Variants in GLS observed in about 807,000 individuals in gnomAD.
GLS encodes the protein glutaminase.
Under a neutral mutation model 86.7 loss-of-function variants are expected in GLS, and 36 were observed. The ratio of observed to expected loss-of-function variants is 0.42; its 90% CI spans 0.32 to 0.55. GLS has a LOEUF of 0.55. Among genes scored for constraint, GLS ranks in the 20% least tolerant of loss-of-function variants. The probability of loss-of-function intolerance (pLI) is 0.17; values close to 1 mark genes in which losing one functional copy is unlikely to be tolerated. For synonymous variants in GLS, 317 were observed against 305.9 expected, an observed-to-expected ratio of 1.04 and a Z score of -0.38; for missense variants, 528 against 833.4, an observed-to-expected ratio of 0.63 and a Z score of 4.51.
At chr2:190,958,136 A>C (rs935405929) in intron 17 of GLS, among the ~76,000 whole-genome samples, 2 of 152,208 alleles carry the variant, frequency 1.3e-5, no homozygotes, top group African/African-American at 4.8e-5. Context: ...CTATTCAGGG[A>C]TTTGACTTCT....
In GLS at chr2:190,914,926, C is replaced by T. The variant is rs1290610707; in HGVS notation, c.1038+4605C>T. ...TTTTTTAATAGATAATGTTAAAACTCAGTGCCTCTATCAAATTTTCATTCA... is the reference window on the plus strand; with the variant it reads ...TTTTTTAATAGATAATGTTAAAACTTAGTGCCTCTATCAAATTTTCATTCA... On this transcript the variant is annotated intron_variant, in intron 7 of 17. Coordinates refer to ENST00000320717, the MANE Select transcript of GLS (RefSeq NM_014905.5). This position sits in a 1 kb window ranked among gnomAD's most constrained non-coding sequence, Gnocchi z 4.4. Among the ~76,000 whole-genome samples the T allele has an allele frequency of 1.3e-5, 2 of 152,126 alleles. No homozygotes were observed. Among genetic ancestry groups the T allele is most frequent in the Admixed American group, 6.5e-5 (1 of 15,268 alleles).
At chr2:190,942,481 C>T (rs569743634) in intron 14 of GLS, among the ~76,000 whole-genome samples, 2 of 152,166 alleles carry the variant, frequency 1.3e-5, no homozygotes, top group African/African-American at 2.4e-5. Flanking sequence ...GTTTTGGACT[C>T]GAGATGTGTT....
intron 5 of GLS, among the ~76,000 whole-genome samples, chr2:190,902,879 A>G (rs944325127): frequency 1.3e-5 from 2 of 152,288 alleles, no homozygotes; most frequent in Non-Finnish European, 2.9e-5. Flanking sequence ...TTTTATCAAA[A>G]TAGAACTTAC....
chr2:190,902,332 A>C (rs911563447), intron 5 of GLS, among the ~76,000 whole-genome samples: 1 of 152,156 alleles, frequency 6.6e-6, no homozygotes, highest in African/African-American at 2.4e-5. Flanking sequence ...ACTATTCTCT[A>C]ATGAACTGAC....
Position 190,905,341 on chromosome 2 carries a change from C to G in GLS, c.979+174C>G. On this transcript the variant is annotated intron_variant, in intron 6 of 17. Coordinates refer to ENST00000320717, the MANE Select transcript of GLS (RefSeq NM_014905.5). This position sits in a 1 kb window ranked among gnomAD's most constrained non-coding sequence, Gnocchi z 4.6. ...TTAAAAATGATTATTTTAGGCATCTCATACCACTGGGAAGTGGGCTAGGGA... is the reference window on the plus strand; with the variant it reads ...TTAAAAATGATTATTTTAGGCATCTGATACCACTGGGAAGTGGGCTAGGGA... 1.9e-6 allele frequency: 1 copy of G among 539,438 alleles called. No homozygotes were observed. The highest frequency in any genetic ancestry group is 3.3e-6 in the Non-Finnish European group (1 of 305,356). 33.4% of individuals were successfully genotyped at this position (539,438 alleles called of 1,614,324 possible). A position where few individuals can be genotyped will look rare whatever the true frequency, so the allele number is the denominator to read the frequency against.
intron 3 of GLS, among the ~76,000 whole-genome samples, chr2:190,896,861 G>C (rs1318660651): frequency 2.0e-5 from 3 of 152,086 alleles, no homozygotes; most frequent in Non-Finnish European, 2.9e-5. Flanking sequence ...TTTGCGGTAA[G>C]GATTATTTTT....
At chr2:190,934,035 T>C in intron 14 of GLS, 2 of 973,154 alleles carry the variant, frequency 2.1e-6, no homozygotes, top group Non-Finnish European at 2.4e-6. Context: ...GGCAAAGTGA[T>C]TGTAAAATTC....
chr2:190,906,480 A>G (rs1447203496), intron 6 of GLS, among the ~76,000 whole-genome samples: 1 of 152,228 alleles, frequency 6.6e-6, no homozygotes, highest in South Asian at 2.1e-4. Flanking sequence ...GGAATCATGA[A>G]TTATTGATAC....
intron 6 of GLS, among the ~76,000 whole-genome samples, chr2:190,907,814 C>T (rs1352044273): frequency 6.6e-6 from 1 of 152,142 alleles, no homozygotes; most frequent in East Asian, 1.9e-4. Flanking sequence ...TTTCTGACTA[C>T]AGGATACAGA....
chr2:190,914,708 TTATGAA>T lies in GLS; in HGVS notation c.1038+4389_1038+4394del, dbSNP rs1421390817. On this transcript the variant is annotated intron_variant, in intron 7 of 17. Transcript: ENST00000320717. The surrounding 1 kb of genome is among the most constrained non-coding windows in gnomAD (Gnocchi z 4.4). ...TTTAATTGGCTTGCACCTCCATACT[TTATGAA>T]TGGAATCAAGTGCGATACTTACAAA... Among the ~76,000 whole-genome samples, 3 of 152,168 alleles carry T rather than the reference TTATGAA, an allele frequency of 2.0e-5. No individual in the cohort carries two copies. Among genetic ancestry groups the T allele is most frequent in the African/African-American group, 7.2e-5 (3 of 41,436 alleles).
intron 6 of GLS, among the ~76,000 whole-genome samples, chr2:190,909,306 A>G (rs1205583394): frequency 1.3e-5 from 2 of 152,342 alleles, no homozygotes; most frequent in East Asian, 1.9e-4. Context: ...ATTACTTCAT[A>G]TATTTATTTG....
chr2:190,948,948 C>T (rs1221922691), intron 14 of GLS, among the ~76,000 whole-genome samples: 1 of 152,012 alleles, frequency 6.6e-6, no homozygotes, highest in African/African-American at 2.4e-5. Flanking sequence ...TGTCACAGGG[C>T]ACTGTGTGGG....
Position 190,895,015 on chromosome 2 carries a change from C to G in GLS, c.387-137C>G. 2.1e-6 allele frequency: 1 copy of G among 465,842 alleles called. No homozygotes were observed. The highest frequency in any genetic ancestry group is 4.0e-6 in the Non-Finnish European group (1 of 251,370). 28.9% of individuals were successfully genotyped at this position (465,842 alleles called of 1,614,324 possible). A position where few individuals can be genotyped will look rare whatever the true frequency, so the allele number is the denominator to read the frequency against. On this transcript the variant is annotated intron_variant, in intron 1 of 17. Transcript: ENST00000320717. The surrounding 1 kb of genome is among the most constrained non-coding windows in gnomAD (Gnocchi z 4.2). Reference sequence around the variant, plus strand: ...TACTGATTTGATTTTGGTAAATCAACATTTATTATGACTGTAGTCTTGAGT... The same window carrying G: ...TACTGATTTGATTTTGGTAAATCAAGATTTATTATGACTGTAGTCTTGAGT...
chr2:190,896,805 G>A (rs1291890980), intron 3 of GLS, among the ~76,000 whole-genome samples: 2 of 152,156 alleles, frequency 1.3e-5, no homozygotes, highest in Non-Finnish European at 2.9e-5. Context: ...TCCAGAACCT[G>A]CTTTTTAAGA....
At chr2:190,948,278 G>A (rs1010496756) in intron 14 of GLS, among the ~76,000 whole-genome samples, 1 of 152,144 alleles carries the variant, frequency 6.6e-6, no homozygotes, top group African/African-American at 2.4e-5. Context: ...TTGTTAAGGC[G>A]AGCTAGTGTT....
At chr2:190,948,844 G>A (rs1690644139) in intron 14 of GLS, among the ~76,000 whole-genome samples, 1 of 152,152 alleles carries the variant, frequency 6.6e-6, no homozygotes, top group African/African-American at 2.4e-5. Context: ...AATGATTTCA[G>A]GAGAATAGTA....
intron 17 of GLS, among the ~76,000 whole-genome samples, chr2:190,957,917 C>T (rs1345834220): frequency 6.6e-6 from 1 of 152,106 alleles, no homozygotes; most frequent in Non-Finnish European, 1.5e-5. Flanking sequence ...TGATGCTGGC[C>T]TCATAAAATG....
intron 14 of GLS, among the ~76,000 whole-genome samples, chr2:190,952,306 ATAG>A (rs1226092551): frequency 1.3e-5 from 2 of 152,152 alleles, no homozygotes; most frequent in Non-Finnish European, 2.9e-5. Flanking sequence ...ACAAATAGTA[ATAG>A]TAGTATTTTG....
chr2:190,954,070 CT>C lies in GLS; in HGVS notation c.1712+448del, dbSNP rs1462523117. ...CCATATACTGCTGTATACCTAAGGT[CT>C]TTTGTGTAGAGTTGTAACTTATTTT... On this transcript the variant is annotated intron_variant, in intron 15 of 17. Transcript: ENST00000320717. The surrounding 1 kb of genome is among the most constrained non-coding windows in gnomAD (Gnocchi z 4.0). Among the ~76,000 whole-genome samples the C allele has an allele frequency of 6.7e-6, 1 of 149,944 alleles. No homozygotes were observed.
Sources: allele counts gnomAD v4.1 joint callset (sites outside exome capture counted in the v4.1 genomes callset), GRCh38; gene constraint gnomAD v4.1.1; non-coding constraint Gnocchi (gnomAD v3.1); transcripts MANE v1.5; gene names NCBI Gene and HGNC (gene_info 2026-07-23, HGNC 2026-07-21).